FUBP3: variants seen among roughly 807,000 people sequenced by gnomAD.
FUBP3 encodes far upstream element-binding protein 3.
A neutral mutation model predicts 85.6 loss-of-function variants in FUBP3; 28 were observed. The observed-to-expected ratio is 0.33, with a 90% CI of 0.24 to 0.45. FUBP3 has a LOEUF of 0.45. Among genes scored for constraint, FUBP3 ranks in the 20% least tolerant of loss-of-function variants. FUBP3 has a pLI of 1.00. For missense variants in FUBP3, 583 were observed against 755.1 expected, an observed-to-expected ratio of 0.77 and a Z score of 2.67; for synonymous variants, 271 against 271.4, an observed-to-expected ratio of 1.00 and a Z score of 0.01.
At chr9:130,609,209 G>C (rs1831615085) in intron 2 of FUBP3, among the ~76,000 whole-genome samples, 1 of 152,210 alleles carries the variant, frequency 6.6e-6, no homozygotes, top group African/African-American at 2.4e-5. Flanking sequence ...ATAGCTGAAA[G>C]AGGAGAAACT....
chr9:130,626,374 G>A lies in FUBP3; in HGVS notation c.986G>A (p.Gly329Asp). 1 of 1,612,948 alleles carries A rather than the reference G, an allele frequency of 6.2e-7. No individual in the cohort carries two copies. The highest frequency in any genetic ancestry group is 1.7e-5 in the Admixed American group (1 of 59,870). Residue 329 changes from glycine to aspartate, a missense_variant, in exon 12 of 19, where the codon GGC becomes GAC. Physicochemically the swap from Gly to Asp is moderately conservative, Grantham distance 94. Around this residue, in one of 3 missense-constraint regions of FUBP3, gnomAD observed 404 missense variants for 516.8 expected, o/e 0.78. Coordinates refer to ENST00000319725, the MANE Select transcript of FUBP3 (RefSeq NM_003934.2). ...ELILTAQERD[G>D]FGGLAAARGR... ...CTGTGATCTTTCCAGGAAAGAGACG[G>A]CTTTGGAGGCCTGGCAGCAGCCAGA...
chr9:130,623,799 T>A, intron 11 of FUBP3, 88 bp downstream of exon 11: 1 of 753,774 alleles, frequency 1.3e-6, no homozygotes, highest in Non-Finnish European at 2.2e-6. Context: ...CATAGAGCTG[T>A]CACCCTGAGG....
At chr9:130,621,553 G>C (rs1346228181) in intron 9 of FUBP3, among the ~76,000 whole-genome samples, 2 of 152,110 alleles carry the variant, frequency 1.3e-5, no homozygotes, top group Admixed American at 6.5e-5. Context: ...TATCTATAAG[G>C]CTTATTCATT....
At chr9:130,580,926 C>T (rs1830107435) in intron 1 of FUBP3, 1 of 152,188 alleles carries the variant, frequency 6.6e-6, no homozygotes, top group Non-Finnish European at 1.5e-5. Flanking sequence ...ATCCATCTTA[C>T]TTAGACTTCA....
intron 2 of FUBP3, among the ~76,000 whole-genome samples, chr9:130,609,070 C>T (rs1831607413): frequency 6.6e-6 from 1 of 152,098 alleles, no homozygotes; most frequent in Non-Finnish European, 1.5e-5. Flanking sequence ...GCATTTGGTT[C>T]TTTGTGATAT....
intron 1 of FUBP3, among the ~76,000 whole-genome samples, chr9:130,589,705 A>ATATATATATATATATATTTTTTTTTTT: frequency 1.4e-5 from 1 of 73,838 alleles, no homozygotes; most frequent in East Asian, 3.3e-4. Flanking sequence ...ATATATATAT[A>ATATATATATATATATATTTTTTTTTTT]TTTTTTTTTT....
In FUBP3 at chr9:130,597,166, G is replaced by C. The variant is rs183248572; in HGVS notation, c.190+1578G>C. Among the ~76,000 whole-genome samples, 3 of 151,920 alleles carry C rather than the reference G, an allele frequency of 2.0e-5. No individual in the cohort carries two copies. The East Asian group carries it at 5.8e-4, about 29-fold the overall frequency. On this transcript the variant is annotated intron_variant, in intron 2 of 18. Coordinates refer to ENST00000319725, the MANE Select transcript of FUBP3 (RefSeq NM_003934.2). ...GAACATGTAATTTTTGTCTTTCTCC[G>C]CCTGGCTTATTTCACTTAACATAAT...
intron 2 of FUBP3, chr9:130,596,637 C>T (rs551208598): frequency 4.6e-6 from 2 of 431,602 alleles, no homozygotes; most frequent in Admixed American, 2.8e-5. Flanking sequence ...GCTGGGACTA[C>T]AGGCATGAGC....
chr9:130,605,617 C>T (rs1392159824), intron 2 of FUBP3, among the ~76,000 whole-genome samples: 1 of 152,188 alleles, frequency 6.6e-6, no homozygotes, highest in Non-Finnish European at 1.5e-5. Context: ...GTGAGGTGCC[C>T]AGGAAAGCAC....
In FUBP3 at chr9:130,622,759, A is replaced by G. The variant is rs769287763; in HGVS notation, c.823A>G (p.Met275Val). The change falls in exon 10 of 19, where the codon ATG becomes GTG. Residue 275 changes from methionine (M) to valine (V), a missense_variant. Coordinates refer to ENST00000319725, the MANE Select transcript of FUBP3 (RefSeq NM_003934.2). ...VGIVIGRNGE[M>V]IKKIQNDAGV... Reference sequence around the variant, plus strand: ...GATTGTAATAGGAAGAAACGGGGAAATGATCAAAAAGATCCAGAATGATGC... The same window carrying G: ...GATTGTAATAGGAAGAAACGGGGAAGTGATCAAAAAGATCCAGAATGATGC... 3.1e-6 allele frequency: 5 copies of G among 1,603,870 alleles called. No homozygotes were observed. The Admixed American group carries it at 6.7e-5, about 22-fold the overall frequency.
chr9:130,625,452 T>G (rs1055148818), intron 11 of FUBP3, among the ~76,000 whole-genome samples: 1 of 152,254 alleles, frequency 6.6e-6, no homozygotes, highest in Non-Finnish European at 1.5e-5. Flanking sequence ...CACTTTACTC[T>G]TAATCAACAT....
At chr9:130,582,866 C>T (rs139140900) in intron 1 of FUBP3, among the ~76,000 whole-genome samples, 97 of 152,346 alleles carry the variant, frequency 6.4e-4, no homozygotes, top group African/African-American at 2.3e-3. Context: ...CAGCAGCCTT[C>T]CACAAGCTGG....
At chr9:130,632,178 G>A (rs760485261) in intron 15 of FUBP3, 24 bp from the exon 16 acceptor site, 21 of 1,600,952 alleles carry the variant, frequency 1.3e-5, no homozygotes, top group South Asian at 2.2e-5. Context: ...CTATAGGAAC[G>A]AGTGACCCTC....
chr9:130,636,969 A>G (rs1830443337), intron 18 of FUBP3, 45 bp from the exon 19 acceptor site: 8 of 1,598,110 alleles, frequency 5.0e-6, no homozygotes, highest in Non-Finnish European at 6.9e-6. Context: ...CACAGACCTG[A>G]GAACCTGCCA....
At chr9:130,620,571 T>C in intron 9 of FUBP3, 113 bp downstream of exon 9, 1 of 525,248 alleles carries the variant, frequency 1.9e-6, no homozygotes, top group Non-Finnish European at 3.4e-6. Flanking sequence ...TCTCAAAACC[T>C]TAAGAATTCT....
At chr9:130,589,977 A>G (rs1237348969) in intron 1 of FUBP3, among the ~76,000 whole-genome samples, 1 of 143,978 alleles carries the variant, frequency 6.9e-6, no homozygotes, top group East Asian at 2.0e-4. Flanking sequence ...CAGCCTTCCA[A>G]GTGCTGGGAT....
chr9:130,625,681 C>G (rs1829941972), intron 11 of FUBP3, among the ~76,000 whole-genome samples: 2 of 152,212 alleles, frequency 1.3e-5, no homozygotes, highest in South Asian at 4.1e-4. Context: ...TTAGGTTTTT[C>G]TCTCTGCTGG....
At position 130,612,625 on chromosome 9, in the gene FUBP3, G is replaced by T; in HGVS notation, c.274+120G>T. 1.4e-6 allele frequency: 1 copy of T among 727,882 alleles called. No individual in the cohort carries two copies. The highest frequency in any genetic ancestry group is 2.4e-6 in the Non-Finnish European group (1 of 409,164). The allele number at this position is 727,882 out of a possible 1,614,324, so 45.1% of individuals were successfully genotyped here. A position where few individuals can be genotyped will look rare whatever the true frequency, so the allele number is the denominator to read the frequency against. On this transcript the variant is annotated intron_variant, in intron 4 of 18. Coordinates refer to ENST00000319725, the MANE Select transcript of FUBP3 (RefSeq NM_003934.2). This position sits in a 1 kb window ranked among gnomAD's most constrained non-coding sequence, Gnocchi z 4.1. ...TTAATCTCTCTTGTGAGTATCACCT[G>T]TAGTAGAATGCTTTGCACATGCCAT...
At chr9:130,606,823 GA>G (rs1021095992) in intron 2 of FUBP3, among the ~76,000 whole-genome samples, 74 of 141,000 alleles carry the variant, frequency 5.2e-4, no homozygotes, top group Admixed American at 4.9e-4. Flanking sequence ...TCTGTCTCAG[GA>G]AAAAAAAAAA....
Sources: gnomAD v4.1 joint callset for allele counts (sites outside exome capture counted in the v4.1 genomes callset) on GRCh38, gnomAD v4.1.1 for gene constraint, gnomAD v4.1.1 regional missense constraint, Gnocchi (gnomAD v3.1) non-coding constraint, MANE v1.5 for transcripts, NCBI Gene and HGNC (gene_info 2026-07-23, HGNC 2026-07-21) for gene names.